Variants in FRMD6 observed in about 807,000 individuals in gnomAD.
FRMD6 encodes the protein FERM domain containing 6.
Under a neutral mutation model 73.2 loss-of-function variants are expected in FRMD6, and 37 were observed. The ratio of observed to expected loss-of-function variants is 0.51; its 90% CI spans 0.39 to 0.66. FRMD6 has a LOEUF of 0.66. Ranked by LOEUF, FRMD6 falls within the 30% of genes least tolerant of loss-of-function variation. FRMD6 has a pLI of 0.00. For synonymous variants in FRMD6, 273 were observed against 282.2 expected (o/e 0.97, Z 0.33); for missense variants, 714 against 780.5 (o/e 0.91, Z 1.02).
intron 1 of FRMD6, among the ~76,000 whole-genome samples, chr14:51,657,500 A>G (rs1892918007): frequency 6.6e-6 from 1 of 152,264 alleles, no homozygotes; most frequent in East Asian, 1.9e-4. Flanking sequence ...TTAGCTCAGC[A>G]TAATGTCATG....
chr14:51,554,561 A>G (rs981851293), intron 1 of FRMD6: 9 of 152,230 alleles, frequency 5.9e-5, no homozygotes, highest in Admixed American at 1.3e-4. Flanking sequence ...TGAAAATGGC[A>G]TCTGTGGAAT....
chr14:51,425,678 C>T, the FRMD6 span, among the ~76,000 whole-genome samples: 2 of 152,188 alleles, frequency 1.3e-5, no homozygotes, highest in Non-Finnish European at 2.9e-5. Context: ...TGGCTGCAGT[C>T]TCCTCATCCC....
At chr14:51,461,662 C>T in the FRMD6 span, among the ~76,000 whole-genome samples, 1 of 152,230 alleles carries the variant, frequency 6.6e-6, no homozygotes, top group Non-Finnish European at 1.5e-5. Flanking sequence ...GTGAGGGCCC[C>T]AACAGGTGAG....
chr14:51,416,456 T>A, the FRMD6 span, among the ~76,000 whole-genome samples: 1 of 152,172 alleles, frequency 6.6e-6, no homozygotes, highest in Non-Finnish European at 1.5e-5. Flanking sequence ...CATGTAGTTG[T>A]GCGGTTTTGA....
At chr14:51,726,233 C>A (rs2140709649) in intron 13 of FRMD6, among the ~76,000 whole-genome samples, 1 of 152,254 alleles carries the variant, frequency 6.6e-6, no homozygotes, top group East Asian at 1.9e-4. Context: ...AGAAATGTTT[C>A]CACACTCTGG....
chr14:51,603,411 G>A lies in FRMD6; in HGVS notation c.-147+33001G>A, dbSNP rs143063641. Among the ~76,000 whole-genome samples the A allele has an allele frequency of 7.2e-4, 110 of 152,094 alleles. 1 individual carries two copies. The highest frequency in any genetic ancestry group is 2.6e-3 in the African/African-American group (109 of 41,490). Reference sequence around the variant, plus strand: ...AGCCATACCAACTTTCAGATATGTTGTATCTGAGTGGTGGATTGCAAGTGA... The same window carrying A: ...AGCCATACCAACTTTCAGATATGTTATATCTGAGTGGTGGATTGCAAGTGA... On this transcript the variant is annotated intron_variant, in intron 2 of 14. Coordinates refer to the FRMD6 transcript ENST00000356218.
At chr14:51,640,291 T>G (rs1005757728) in intron 2 of FRMD6, among the ~76,000 whole-genome samples, 1 of 152,232 alleles carries the variant, frequency 6.6e-6, no homozygotes, top group African/African-American at 2.4e-5. Context: ...TAAAGCATTT[T>G]GGGGCTTCAA....
chr14:51,619,293 CACTT>C (rs1890832112), intron 2 of FRMD6, among the ~76,000 whole-genome samples: 1 of 151,590 alleles, frequency 6.6e-6, no homozygotes, highest in Non-Finnish European at 1.5e-5. Flanking sequence ...GATACAGTAT[CACTT>C]ACACAAAGAC....
At chr14:51,562,272 G>A (rs563237831) in intron 1 of FRMD6, among the ~76,000 whole-genome samples, 2 of 152,172 alleles carry the variant, frequency 1.3e-5, no homozygotes, top group South Asian at 2.1e-4. Context: ...CTGCATCCAG[G>A]GACTAATGGG....
intron 1 of FRMD6, among the ~76,000 whole-genome samples, chr14:51,671,078 C>G (rs771007161): frequency 3.3e-5 from 5 of 152,196 alleles, no homozygotes; most frequent in Non-Finnish European, 7.3e-5. Context: ...TCAAACCAAT[C>G]TTGCGTTCCT....
chr14:51,448,724 A>G, the FRMD6 span, among the ~76,000 whole-genome samples: 1 of 152,114 alleles, frequency 6.6e-6, no homozygotes, highest in African/African-American at 2.4e-5. Flanking sequence ...GTGTTCAAAA[A>G]CCATGGCCAA....
intron 1 of FRMD6, among the ~76,000 whole-genome samples, chr14:51,663,837 G>T (rs1893393279): frequency 6.6e-6 from 1 of 152,206 alleles, no homozygotes; most frequent in Non-Finnish European, 1.5e-5. Context: ...TCTGGCCCAG[G>T]TCATCCCATG....
At chr14:51,546,396 C>CTTTTTTTTT (rs11413471) in intron 1 of FRMD6, among the ~76,000 whole-genome samples, 1 of 129,424 alleles carries the variant, frequency 7.7e-6, no homozygotes, top group Non-Finnish European at 1.6e-5. Context: ...AAGAGAAACT[C>CTTTTTTTTT]TTTTTTTTTT....
chr14:51,653,971 C>G (rs1292974554), intron 1 of FRMD6, among the ~76,000 whole-genome samples: 1 of 152,144 alleles, frequency 6.6e-6, no homozygotes, highest in African/African-American at 2.4e-5. Context: ...TAATTTTCCC[C>G]CCTTTGAGTT....
chr14:51,442,379 C>G, the FRMD6 span, among the ~76,000 whole-genome samples: 1 of 152,080 alleles, frequency 6.6e-6, no homozygotes, highest in Non-Finnish European at 1.5e-5. Context: ...ACTCCCACCC[C>G]TCTTTTTTCG....
chr14:51,637,545 T>C (rs1345466464), intron 2 of FRMD6: 3 of 149,580 alleles, frequency 2.0e-5, no homozygotes, highest in African/African-American at 4.9e-5. Context: ...CTAGGAATAG[T>C]TGGGGGAGGG....
intron 1 of FRMD6, among the ~76,000 whole-genome samples, chr14:51,490,706 C>T (rs140521313): frequency 7.8e-4 from 119 of 152,070 alleles, no homozygotes; most frequent in African/African-American, 2.6e-3. Context: ...AAAAGACAAC[C>T]GCAGAGTTTT....
chr14:51,444,668 C>T, the FRMD6 span, among the ~76,000 whole-genome samples: 1 of 152,178 alleles, frequency 6.6e-6, no homozygotes, highest in Non-Finnish European at 1.5e-5. Context: ...GGTCGAGAGC[C>T]AGCTTCTTCT....
intron 1 of FRMD6, among the ~76,000 whole-genome samples, chr14:51,517,318 C>CG (rs5808616): frequency 0.4 from 60,754 of 151,624 alleles, 12,390 homozygotes; most frequent in African/African-American, 0.48. Flanking sequence ...ACGCTAGGAG[C>CG]AGTAATGAGT....
Sources: gnomAD v4.1 joint callset for allele counts (sites outside exome capture counted in the v4.1 genomes callset) on GRCh38, gnomAD v4.1.1 for gene constraint, MANE v1.5 for transcripts, NCBI Gene and HGNC (gene_info 2026-07-23, HGNC 2026-07-21) for gene names.